The following POLR1G variants were observed in gnomAD, a reference collection of about 807,000 sequenced individuals.
The protein encoded by POLR1G is DNA-directed RNA polymerase I subunit RPA34.
Under a neutral mutation model 6.3 loss-of-function variants are expected in POLR1G, and 9 were observed. The ratio of observed to expected loss-of-function variants is 1.44; its 90% CI spans 0.87 to 2.51. POLR1G has a LOEUF of 2.51. POLR1G is among the 30% of genes most tolerant of loss of function. The pLI, the probability that POLR1G is intolerant of heterozygous loss-of-function variation, is 0.00. For synonymous variants in POLR1G, 248 were observed against 256.5 expected (o/e 0.97, Z 0.32); for missense variants, 617 against 632.5 (o/e 0.98, Z 0.26).
At chr19:45,407,468 T>C (rs1292421298) in intron 2 of POLR1G, 4 of 507,140 alleles carry the variant, frequency 7.9e-6, no homozygotes, top group Middle Eastern at 5.1e-4. Flanking sequence ...ATAGTTAAAC[T>C]TGGAGTGTGC....
intron 2 of POLR1G, chr19:45,407,846 A>G (rs910239756): frequency 4.6e-5 from 14 of 302,780 alleles, no homozygotes; most frequent in Non-Finnish European, 6.1e-5. Context: ...ACTTGAGGTC[A>G]GGAGTTCAAG....
Position 45,408,799 on chromosome 19 carries a change from G to A in POLR1G, c.831G>A (p.Glu277=), listed in dbSNP as rs370766397. Residue 277 remains glutamate, a synonymous_variant, in exon 3 of 3, where the codon GAG becomes GAA. Coordinates refer to ENST00000309424, the MANE Select transcript of POLR1G (RefSeq NM_012099.3). The stretch of plus-strand genomic sequence containing the variant: ...TGAAGCAGGAACAGATTAACACTGA[G>A]CCTCTAGAAGACACAGTCCTGTCCC... ...KTVKQEQINT[E]PLEDTVLSPT... 1.7e-5 allele frequency: 28 copies of A among 1,613,890 alleles called. No individual in the cohort carries two copies. Among genetic ancestry groups the A allele is most frequent in the South Asian group, 1.1e-5 (1 of 91,074 alleles).
In POLR1G at chr19:45,408,180, G is replaced by A. The variant is rs1973463023; in HGVS notation, c.212G>A (p.Gly71Asp). 1 of 1,612,080 alleles carries A rather than the reference G, an allele frequency of 6.2e-7. No individual in the cohort carries two copies. Among genetic ancestry groups the A allele is most frequent in the Non-Finnish European group, 8.5e-7 (1 of 1,178,596 alleles). ...CTCTCTGGCTCCCAGATCGTCAAGG[G>A]CAAATTGGCAGGCAAGCGGCACCGC... ...VPLSGSQIVK[G>D]KLAGKRHRYR... The change falls in exon 3 of 3, where the codon GGC becomes GAC. Residue 71 changes from glycine to aspartate, a missense_variant. By Grantham distance (94) the Gly-to-Asp change is moderately conservative. Transcript: ENST00000309424.
chr19:45,408,164 T>G lies in POLR1G; in HGVS notation c.196T>G (p.Ser66Ala), dbSNP rs1450504139. 1 of 1,608,692 alleles carries G rather than the reference T, an allele frequency of 6.2e-7. No individual in the cohort carries two copies. Among genetic ancestry groups the G allele is most frequent in the Non-Finnish European group, 8.5e-7 (1 of 1,176,116 alleles). ...FNGRHVPLSG[S>A]QIVKGKLAGK... ...TGGGCGGCATGTGCCTCTCTCTGGC[T>G]CCCAGATCGTCAAGGGCAAATTGGC... The change falls in exon 3 of 3, where the codon TCC becomes GCC. Residue 66 changes from serine to alanine, a missense_variant. Coordinates refer to ENST00000309424, the MANE Select transcript of POLR1G (RefSeq NM_012099.3).
chr19:45,408,584 C>G lies in POLR1G; in HGVS notation c.616C>G (p.Pro206Ala). 1 of 1,613,554 alleles carries G rather than the reference C, an allele frequency of 6.2e-7. No individual in the cohort carries two copies. Among genetic ancestry groups the G allele is most frequent in the Non-Finnish European group, 8.5e-7 (1 of 1,179,930 alleles). Reference sequence around the variant, plus strand: ...GGAGGTGGACATGGCTTTGGGGTCGCCAGAAATGGATGTGCGGAAGAAGAA... The same window carrying G: ...GGAGGTGGACATGGCTTTGGGGTCGGCAGAAATGGATGTGCGGAAGAAGAA... ...ALEVDMALGSPEMDVRKKKKK... is the reference protein window; with the variant it reads ...ALEVDMALGSAEMDVRKKKKK... The change falls in exon 3 of 3, where the codon CCA (proline) becomes GCA (alanine). Residue 206 changes from proline (P) to alanine (A), a missense_variant. By Grantham distance (27) the Pro-to-Ala change is conservative (BLOSUM62 -1). Transcript: ENST00000309424.
chr19:45,409,219 T>A lies in POLR1G; in HGVS notation c.1251T>A (p.Ala417=). The A allele has an allele frequency of 6.2e-7, 1 of 1,611,496 alleles. No homozygotes were observed. Among genetic ancestry groups the A allele is most frequent in the South Asian group, 1.1e-5 (1 of 90,868 alleles). ...ELPDDLEPQA[A]PTSTKKKKKK... is the part of the protein sequence containing the mutation. ...CGGATGACCTTGAGCCTCAGGCAGC[T>A]CCCACATCCACCAAGAAGAAGAAGA... The change falls in exon 3 of 3, where the codon GCT becomes GCA. Residue 417 remains alanine, a synonymous_variant. Coordinates refer to ENST00000309424, the MANE Select transcript of POLR1G (RefSeq NM_012099.3).
chr19:45,409,895 A>ATTTTT lies in POLR1G; in HGVS notation c.*404_*408dup, dbSNP rs57573120. 4.8e-3 allele frequency: 816 copies of ATTTTT among 171,562 alleles called. 6 individuals carry two copies. The highest frequency in any genetic ancestry group is 6.3e-3 in the Non-Finnish European group (574 of 90,812). The allele number at this position is 171,562 out of a possible 1,614,324, so 10.6% of individuals were successfully genotyped here. On this transcript the variant is annotated 3_prime_UTR_variant, in exon 3 of 3. Coordinates refer to ENST00000309424, the MANE Select transcript of POLR1G (RefSeq NM_012099.3). Reference sequence around the variant, plus strand: ...TTTTTAAGTTATTATTATTATTATTATTTTTTTTTTTTTTGAGATGGAGTC... The same window carrying ATTTTT: ...TTTTTAAGTTATTATTATTATTATTATTTTTTTTTTTTTTTTTTTGAGATGGAGTC...
At position 45,408,896 on chromosome 19, in the gene POLR1G, C is replaced by T. The variant is rs1339584823; in HGVS notation, c.928C>T (p.Gln310Ter). 1 of 1,614,088 alleles carries T rather than the reference C, an allele frequency of 6.2e-7. No homozygotes were observed. Among genetic ancestry groups the T allele is most frequent in the Non-Finnish European group, 8.5e-7 (1 of 1,180,004 alleles). The change falls in exon 3 of 3, where the codon CAG (glutamine) becomes TAG (stop). Residue 310 changes from glutamine to a stop codon, truncating the protein, a stop_gained. Transcript: ENST00000309424. LOFTEE classifies it low-confidence loss of function (END_TRUNC). ...AGAGGAGGGGGTGACAGTTGAGTCT[C>T]AGCCACAGGTGAAGGTGGAGCCACT... ...EPEEGVTVES[Q>*]PQVKVEPLEE...
intron 2 of POLR1G, 148 bp from the exon 3 acceptor site, chr19:45,407,979 AGGAGGT>A (rs1464278303): frequency 1.0e-6 from 1 of 983,640 alleles, no homozygotes; most frequent in Non-Finnish European, 1.4e-6. Context: ...GCTTGAACCC[AGGAGGT>A]GGACATTGCA....
In POLR1G at chr19:45,406,989, G is replaced by C; in HGVS notation, c.23-105G>C. ...CAGAAAGGAGAAACCAGGTTGAGGG[G>C]ACTGGAGTGCTCACGAGGTTAAGAC... is the stretch of plus-strand genomic sequence containing the variant. On this transcript the variant is annotated intron_variant, in intron 1 of 2. Transcript: ENST00000309424. The surrounding 1 kb of genome is among the most constrained non-coding windows in gnomAD (Gnocchi z 4.2). 2.1e-6 allele frequency: 3 copies of C among 1,419,394 alleles called. No homozygotes were observed. Among genetic ancestry groups the C allele is most frequent in the Non-Finnish European group, 2.9e-6 (3 of 1,049,886 alleles). 87.9% of individuals were successfully genotyped at this position (1,419,394 alleles called of 1,614,324 possible).
At chr19:45,408,059 A>AG in intron 2 of POLR1G, 74 bp from the exon 3 acceptor site, 1 of 1,476,746 alleles carries the variant, frequency 6.8e-7, no homozygotes, top group East Asian at 2.3e-5. Flanking sequence ...CTCAAAAAAA[A>AG]ACAAAAAAAA....
chr19:45,408,648 C>A lies in POLR1G; in HGVS notation c.680C>A (p.Ala227Glu), dbSNP rs1016165025. The A allele has an allele frequency of 1.2e-6, 2 of 1,613,644 alleles. No homozygotes were observed. The highest frequency in any genetic ancestry group is 2.7e-5 in the African/African-American group (2 of 74,874). Reference sequence around the variant, plus strand: ...CAGCAGCTGAAAGAACCAGAGGCAGCAGGGCCTGTGGGGACAGAGCCCACA... The same window carrying A: ...CAGCAGCTGAAAGAACCAGAGGCAGAAGGGCCTGTGGGGACAGAGCCCACA... Reference protein sequence around the residue: ...KNQQLKEPEAAGPVGTEPTVE... With the variant: ...KNQQLKEPEAEGPVGTEPTVE... Residue 227 changes from alanine (A) to glutamate (E), a missense_variant, in exon 3 of 3, where the codon GCA (alanine) becomes GAA (glutamate). By Grantham distance (107) the Ala-to-Glu change is moderately radical. Transcript: ENST00000309424.
chr19:45,406,819 G>C lies in POLR1G; in HGVS notation c.22+101G>C. The C allele has an allele frequency of 8.4e-7, 1 of 1,184,334 alleles. No individual in the cohort carries two copies. The highest frequency in any genetic ancestry group is 1.2e-6 in the Non-Finnish European group (1 of 865,122). 73.4% of individuals were successfully genotyped at this position (1,184,334 alleles called of 1,614,324 possible). A position where few individuals can be genotyped will look rare whatever the true frequency, so the allele number is the denominator to read the frequency against. ...GAAAAGGAGGCGTACCTGCAAGCAG[G>C]ACTTGCGAAGAGCGTGCATTCCCAG... On this transcript the variant is annotated intron_variant, in intron 1 of 2. Transcript: ENST00000309424. This position sits in a 1 kb window ranked among gnomAD's most constrained non-coding sequence, Gnocchi z 4.2.
In POLR1G at chr19:45,409,472, CG is replaced by C; in HGVS notation, c.1506del (p.Lys503SerfsTer15). Reference protein sequence around the residue: ...EEAPTGRDKKRKQQQQQPV With the variant: ...EEAPTGRDKKXKQQQQQPV ...GGCTCCCACAGGCCGGGACAAGAAG[CG>C]GAAGCAGCAGCAGCAGCAGCCTGTG... On this transcript the variant is annotated frameshift_variant, in exon 3 of 3. Coordinates refer to ENST00000309424, the MANE Select transcript of POLR1G (RefSeq NM_012099.3). LOFTEE classifies it low-confidence loss of function (END_TRUNC). 2.5e-6 allele frequency: 4 copies of C among 1,611,328 alleles called. No individual in the cohort carries two copies. The highest frequency in any genetic ancestry group is 3.4e-6 in the Non-Finnish European group (4 of 1,179,380).
Position 45,407,151 on chromosome 19 carries a change from C to T in POLR1G, c.80C>T (p.Ser27Phe), listed in dbSNP as rs1462642464. 1 of 1,612,608 alleles carries T rather than the reference C, an allele frequency of 6.2e-7. No individual in the cohort carries two copies. The highest frequency in any genetic ancestry group is 1.3e-5 in the African/African-American group (1 of 74,870). Residue 27 changes from serine (S) to phenylalanine (F), a missense_variant, in exon 2 of 3, where the codon TCC (serine) becomes TTC (phenylalanine). Ser to Phe is a radical substitution (Grantham distance 155). Coordinates refer to ENST00000309424, the MANE Select transcript of POLR1G (RefSeq NM_012099.3). ...ACCGCGAAGCCCCCAGCCTCAGAGT[C>T]CCCTCGTTTCTCCTTGGAGGCGCTG... ...NFTAKPPASE[S>F]PRFSLEALTG...
chr19:45,408,214 C>G lies in POLR1G; in HGVS notation c.246C>G (p.Val82=), dbSNP rs146656316. ...CAGGCAAGCGGCACCGCTATCGAGT[C>G]CTCAGCAGCTGTCCCCAAGCTGGAG... ...KLAGKRHRYR[V]LSSCPQAGEA... The change falls in exon 3 of 3, where the codon GTC becomes GTG. Residue 82 remains valine, a synonymous_variant. Transcript: ENST00000309424. The G allele has an allele frequency of 1.3e-3, 2,062 of 1,614,048 alleles. 5 individuals are homozygous for G. The highest frequency in any genetic ancestry group is 3.8e-3 in the Middle Eastern group (23 of 6,084).
In POLR1G at chr19:45,406,961, G is replaced by T; in HGVS notation, c.23-133G>T. 1 of 1,272,788 alleles carries T rather than the reference G, an allele frequency of 7.9e-7. No individual in the cohort carries two copies. Among genetic ancestry groups the T allele is most frequent in the East Asian group, 2.5e-5 (1 of 40,176 alleles). 78.8% of individuals were successfully genotyped at this position (1,272,788 alleles called of 1,614,324 possible). ...TTGAGGTCGCCCCTGGGGAACAGGT[G>T]GGCAGAAAGGAGAAACCAGGTTGAG... On this transcript the variant is annotated intron_variant, in intron 1 of 2. Transcript: ENST00000309424. This position sits in a 1 kb window ranked among gnomAD's most constrained non-coding sequence, Gnocchi z 4.2.
rs1376177444 is a variant in POLR1G at position 45,406,948 on chromosome 19, C to T, written c.23-146C>T. On this transcript the variant is annotated intron_variant, in intron 1 of 2. Transcript: ENST00000309424. The surrounding 1 kb of genome is among the most constrained non-coding windows in gnomAD (Gnocchi z 4.2). ...TGGATCGGTGAAATTGAGGTCGCCCCTGGGGAACAGGTGGGCAGAAAGGAG... is the reference window on the plus strand; with the variant it reads ...TGGATCGGTGAAATTGAGGTCGCCCTTGGGGAACAGGTGGGCAGAAAGGAG... 2.5e-6 allele frequency: 3 copies of T among 1,205,728 alleles called. No individual in the cohort carries two copies. In the African/African-American group the frequency reaches 4.7e-5, roughly 19 times the overall value. 74.7% of individuals were successfully genotyped at this position (1,205,728 alleles called of 1,614,324 possible). A position where few individuals can be genotyped will look rare whatever the true frequency, so the allele number is the denominator to read the frequency against.
In POLR1G at chr19:45,408,402, T is replaced by C. The variant is rs1449912668; in HGVS notation, c.434T>C (p.Leu145Pro). Residue 145 changes from leucine to proline, a missense_variant, in exon 3 of 3, where the codon CTG (leucine) becomes CCG (proline). By Grantham distance (98) the Leu-to-Pro change is moderately conservative. Transcript: ENST00000309424. ...ASPPPQIPPG[L>P]RPRFCAFGGN... ...CCCCCACCACAGATCCCTCCTGGCC[T>C]GAGGCCTCGGTTCTGTGCCTTTGGG... The C allele has an allele frequency of 1.2e-6, 2 of 1,613,034 alleles. No individual in the cohort carries two copies. Among genetic ancestry groups the C allele is most frequent in the Non-Finnish European group, 1.7e-6 (2 of 1,179,580 alleles).
Sources: gnomAD v4.1 joint callset for allele counts on GRCh38, gnomAD v4.1.1 for gene constraint, Gnocchi (gnomAD v3.1) non-coding constraint, MANE v1.5 for transcripts, NCBI Gene and HGNC (gene_info 2026-07-23, HGNC 2026-07-21) for gene names.